The following EXOC1 variants were observed in gnomAD, a reference collection of about 807,000 sequenced individuals.
The protein encoded by EXOC1 is SEC3-like 1.
In EXOC1, 67 loss-of-function variants were observed where a neutral mutation model predicts 107.7. The ratio of observed to expected loss-of-function variants is 0.62; its 90% CI spans 0.51 to 0.76. EXOC1 has a LOEUF of 0.76. Ranked by LOEUF, EXOC1 falls within the 30% of genes least tolerant of loss-of-function variation. The pLI, the probability that EXOC1 is intolerant of heterozygous loss-of-function variation, is 0.00. For missense variants in EXOC1, 833 were observed against 1,055.7 expected (o/e 0.79, Z 2.92); for synonymous variants, 348 against 353.5 (o/e 0.98, Z 0.17).
At chr4:55,890,158 C>A in intron 11 of EXOC1, 65 bp from the exon 12 acceptor site, 8 of 1,508,902 alleles carry the variant, frequency 5.3e-6, no homozygotes, top group South Asian at 1.2e-5. Context: ...AGATCTATCC[C>A]TGCTTTATAC....
chr4:55,865,128 C>T (rs896677564), intron 4 of EXOC1, among the ~76,000 whole-genome samples: 4 of 152,070 alleles, frequency 2.6e-5, no homozygotes, highest in African/African-American at 9.7e-5. Context: ...AGTAAGTGCT[C>T]AGTAAATATT....
intron 3 of EXOC1, 37 bp downstream of exon 3, chr4:55,860,578 A>G (rs771971600): frequency 9.9e-6 from 16 of 1,608,894 alleles, no homozygotes; most frequent in Non-Finnish European, 1.4e-5. Flanking sequence ...GTGTTCAGAA[A>G]GCATCTTTCA....
At chr4:55,883,737 C>G in intron 9 of EXOC1, 86 bp from the exon 10 acceptor site, 1 of 744,200 alleles carries the variant, frequency 1.3e-6, no homozygotes, top group Non-Finnish European at 2.1e-6. Flanking sequence ...AAATTTAAAA[C>G]AAGCATGAAG....
chr4:55,903,660 T>C (rs1216325997), intron 18 of EXOC1, among the ~76,000 whole-genome samples: 1 of 152,172 alleles, frequency 6.6e-6, no homozygotes, highest in African/African-American at 2.4e-5. Flanking sequence ...GACTTAATAC[T>C]ATAATATATT....
At chr4:55,877,231 A>G in intron 8 of EXOC1, 1 of 985,434 alleles carries the variant, frequency 1.0e-6, no homozygotes, top group Non-Finnish European at 1.2e-6. Flanking sequence ...AACTAGCTCC[A>G]AAACTCTAGC....
intron 4 of EXOC1, 49 bp from the exon 5 acceptor site, chr4:55,868,287 T>G (rs745499778): frequency 6.6e-7 from 1 of 1,515,956 alleles, no homozygotes; most frequent in Non-Finnish European, 8.9e-7. Context: ...TATGTTATAG[T>G]CTTTTCTACT....
intron 16 of EXOC1, among the ~76,000 whole-genome samples, chr4:55,897,489 T>G (rs1312157274): frequency 6.6e-6 from 1 of 152,194 alleles, no homozygotes; most frequent in Non-Finnish European, 1.5e-5. Context: ...GAGAAATTAG[T>G]GCTGAAATAC....
intron 4 of EXOC1, among the ~76,000 whole-genome samples, chr4:55,866,127 A>T (rs1052173003): frequency 1.3e-5 from 2 of 152,198 alleles, no homozygotes; most frequent in African/African-American, 4.8e-5. Context: ...CAAATAAAAA[A>T]TTATTACCAC....
Position 55,860,460 on chromosome 4 carries a change from C to A in EXOC1, c.174C>A (p.Ser58=), listed in dbSNP as rs553814186. 1.2e-6 allele frequency: 2 copies of A among 1,613,858 alleles called. No homozygotes were observed. Among genetic ancestry groups the A allele is most frequent in the South Asian group, 2.2e-5 (2 of 91,072 alleles). ...TTAAGGTGGTCAAAGTCAAGAAATC[C>A]GATAAGGGAGATTTCTACAAAAGGC... is the stretch of plus-strand genomic sequence containing the variant. ...VQVKVVKVKK[S]DKGDFYKRQI... The change falls in exon 3 of 19, where the codon TCC becomes TCA. Residue 58 remains serine (S), a synonymous_variant. Coordinates refer to ENST00000381295, the MANE Select transcript of EXOC1 (RefSeq NM_001024924.2).
At chr4:55,862,969 T>G (rs1721611809) in intron 3 of EXOC1, among the ~76,000 whole-genome samples, 1 of 152,114 alleles carries the variant, frequency 6.6e-6, no homozygotes, top group Non-Finnish European at 1.5e-5. Flanking sequence ...GGCACAATCT[T>G]GGCTCACTGC....
chr4:55,890,356 C>A lies in EXOC1; in HGVS notation c.1509C>A (p.Leu503=). The A allele has an allele frequency of 6.2e-7, 1 of 1,613,858 alleles. No individual in the cohort carries two copies. The highest frequency in any genetic ancestry group is 8.5e-7 in the Non-Finnish European group (1 of 1,179,928). The change falls in exon 12 of 19, where the codon CTC becomes CTA. Residue 503 remains leucine (L), a synonymous_variant. Transcript: ENST00000381295. ...TGGGAAACATGTCTGCCTCTGATCT[C>A]GATGTTGCTGACAGGACCAAATTTG... is the stretch of plus-strand genomic sequence containing the variant. ...LDMGNMSASD[L]DVADRTKFDK...
intron 9 of EXOC1, among the ~76,000 whole-genome samples, chr4:55,880,981 A>G (rs553686597): frequency 6.6e-6 from 1 of 152,336 alleles, no homozygotes; most frequent in South Asian, 2.1e-4. Flanking sequence ...CAGACCAATC[A>G]GTGTTTCTTT....
intron 9 of EXOC1, among the ~76,000 whole-genome samples, chr4:55,881,951 G>A (rs1383361616): frequency 6.6e-6 from 1 of 152,108 alleles, no homozygotes; most frequent in Non-Finnish European, 1.5e-5. Flanking sequence ...AAACACTAGA[G>A]GCAAGGGTTG....
intron 13 of EXOC1, among the ~76,000 whole-genome samples, chr4:55,891,710 G>T (rs938661414): frequency 2.6e-5 from 4 of 152,144 alleles, no homozygotes; most frequent in African/African-American, 7.2e-5. Flanking sequence ...ACTTTGCAAA[G>T]AACATTATTT....
At chr4:55,875,888 G>T in intron 8 of EXOC1, 1 of 894,960 alleles carries the variant, frequency 1.1e-6, no homozygotes, top group South Asian at 5.2e-5. Flanking sequence ...AGCATAGTAA[G>T]ACTCCATCTC....
rs535022727 is a variant in EXOC1 at position 55,904,658 on chromosome 4, A to T, written c.*163A>T. ...CATACTACAAATATTTAAATGCAAA[A>T]TTACCAACCTATATAGCAGTTTTAT... On this transcript the variant is annotated 3_prime_UTR_variant, in exon 19 of 19. Coordinates refer to ENST00000381295, the MANE Select transcript of EXOC1 (RefSeq NM_001024924.2). The T allele has an allele frequency of 1.6e-6, 1 of 606,126 alleles. No individual in the cohort carries two copies. Among genetic ancestry groups the T allele is most frequent in the Non-Finnish European group, 2.5e-6 (1 of 393,694 alleles). 37.5% of individuals were successfully genotyped at this position (606,126 alleles called of 1,614,324 possible).
At chr4:55,882,133 TGTTTTTGTTTTC>T (rs1723455726) in intron 9 of EXOC1, among the ~76,000 whole-genome samples, 2 of 152,106 alleles carry the variant, frequency 1.3e-5, no homozygotes, top group Non-Finnish European at 2.9e-5. Context: ...TGTTTTGTTT[TGTTTTTGTTTTC>T]GTTTTTGTTT....
At position 55,868,459 on chromosome 4, in the gene EXOC1, A is replaced by T. The variant is rs768134662; in HGVS notation, c.539A>T (p.Tyr180Phe). Residue 180 changes from tyrosine (Y) to phenylalanine (F), a missense_variant, in exon 5 of 19, where the codon TAT (tyrosine) becomes TTT (phenylalanine). Tyr to Phe is a conservative substitution (Grantham distance 22). Coordinates refer to ENST00000381295, the MANE Select transcript of EXOC1 (RefSeq NM_001024924.2). ...DIEIMMEGCE[Y>F]AISNAEAFAE... ...GAAATAATGATGGAAGGCTGTGAAT[A>T]TGCAATCTCGAATGCGGAAGCCTTT... 47 of 1,613,806 alleles carry T rather than the reference A, an allele frequency of 2.9e-5. No homozygotes were observed. Among genetic ancestry groups the T allele is most frequent in the Middle Eastern group, 1.6e-4 (1 of 6,080 alleles).
At chr4:55,898,412 A>G (rs1480651623) in intron 16 of EXOC1, among the ~76,000 whole-genome samples, 1 of 152,240 alleles carries the variant, frequency 6.6e-6, no homozygotes, top group Non-Finnish European at 1.5e-5. Flanking sequence ...TAACTGCAAC[A>G]GTAGAGATAT....
Sources: gnomAD v4.1 joint callset for allele counts (sites outside exome capture counted in the v4.1 genomes callset) on GRCh38, gnomAD v4.1.1 for gene constraint, MANE v1.5 for transcripts, NCBI Gene and HGNC (gene_info 2026-07-23, HGNC 2026-07-21) for gene names.